The following KMT2C variants were observed in gnomAD, a reference collection of about 807,000 sequenced individuals.
The protein encoded by KMT2C is lysine methyltransferase 2C, also known as histone-lysine N-methyltransferase 2C.
Under a neutral mutation model 507.9 loss-of-function variants are expected in KMT2C, and 88 were observed. The observed-to-expected ratio is 0.17, with a 90% CI of 0.15 to 0.21. The LOEUF (loss-of-function observed/expected upper bound fraction) is 0.21, where lower values mean the gene tolerates loss of function less well. Ranked by LOEUF, KMT2C falls within the 10% of genes least tolerant of loss-of-function variation. KMT2C has a pLI of 1.00. For missense variants in KMT2C, 4,954 were observed against 5,957.8 expected (o/e 0.83, Z 5.55); for synonymous variants, 2,049 against 2,080.8 (o/e 0.98, Z 0.42).
chr7:152,389,328 T>C (rs2097466758), intron 1 of KMT2C, among the ~76,000 whole-genome samples: 1 of 134,490 alleles, frequency 7.4e-6, no homozygotes, highest in Admixed American at 8.1e-5. Flanking sequence ...TCGTGCAGCC[T>C]GGTGACAGAG....
At chr7:152,265,722 A>G (rs2095849077) in intron 7 of KMT2C, among the ~76,000 whole-genome samples, 2 of 152,138 alleles carry the variant, frequency 1.3e-5, no homozygotes, top group South Asian at 4.1e-4. Flanking sequence ...AAATCATATA[A>G]GGGCTTTTTT....
rs551531451 is a variant in KMT2C at position 152,156,174 on chromosome 7, G to A, written c.11812+31C>T. 261 of 1,609,216 alleles carry A rather than the reference G, an allele frequency of 1.6e-4. 2 individuals are homozygous for A. The South Asian group carries it at 2.6e-3, about 16-fold the overall frequency. On this transcript the variant is annotated intron_variant, in intron 45 of 58. Transcript: ENST00000262189. ...ACAACTGGCAGAGGCACATTTCTCCGAGGTGTGAAATTTGGAGGCTATAAT... is the reference window on the plus strand; with the variant it reads ...ACAACTGGCAGAGGCACATTTCTCCAAGGTGTGAAATTTGGAGGCTATAAT...
intron 8 of KMT2C, among the ~76,000 whole-genome samples, chr7:152,264,213 C>CT (rs542490394): frequency 2.2e-3 from 333 of 152,164 alleles, no homozygotes; most frequent in Non-Finnish European, 3.9e-3. Flanking sequence ...TCACGTAACT[C>CT]TAAGATACTG....
rs533247628 is a variant in KMT2C, at chr7:152,370,090, A to G, written c.162-11415T>C. On this transcript the variant is annotated intron_variant, in intron 1 of 58. Transcript: ENST00000262189. ...GCACCTGTAGTCTCAGCTACTCAGG[A>G]GGCTGAGGCAGGAGAATGGCGTGAA... Among the ~76,000 whole-genome samples the G allele has an allele frequency of 2.8e-4, 43 of 152,196 alleles. No homozygotes were observed. In the South Asian group the frequency reaches 8.3e-3, roughly 29 times the overall value.
At chr7:152,376,919 C>T in intron 1 of KMT2C, among the ~76,000 whole-genome samples, 1 of 152,224 alleles carries the variant, frequency 6.6e-6, no homozygotes, top group East Asian at 1.9e-4. Context: ...CAGGCTGGGG[C>T]CACACCTGTT....
chr7:152,220,790 T>G, intron 22 of KMT2C, 55 bp from the exon 23 acceptor site: 2 of 1,339,586 alleles, frequency 1.5e-6, no homozygotes, highest in Non-Finnish European at 2.1e-6. Context: ...CAAATTTGAC[T>G]GATTACTGTT....
At chr7:152,302,342 G>C (rs981613355) in intron 6 of KMT2C, among the ~76,000 whole-genome samples, 30 of 152,216 alleles carry the variant, frequency 2.0e-4, no homozygotes, top group Admixed American at 5.9e-4. Flanking sequence ...TCCTGCCTCA[G>C]CCTCTCGAGT....
intron 48 of KMT2C, 97 bp downstream of exon 48, chr7:152,153,913 G>C (rs2091852337): frequency 1.6e-6 from 2 of 1,234,800 alleles, no homozygotes; most frequent in African/African-American, 1.5e-5. Context: ...TTTATCCTCA[G>C]TGATCCTGTT....
chr7:152,339,822 A>C (rs968796531), intron 2 of KMT2C, among the ~76,000 whole-genome samples: 7 of 152,310 alleles, frequency 4.6e-5, no homozygotes, highest in Middle Eastern at 3.4e-3. Context: ...TATAATATAA[A>C]GCAAGCAGAT....
chr7:152,289,287 C>T (rs2096364166), intron 6 of KMT2C, among the ~76,000 whole-genome samples: 1 of 152,186 alleles, frequency 6.6e-6, no homozygotes, highest in African/African-American at 2.4e-5. Flanking sequence ...GTCACATTCT[C>T]AATTGGCACT....
chr7:152,138,321 TG>T lies in KMT2C; in HGVS notation c.14643+474del, dbSNP rs2090121637. The T allele has an allele frequency of 6.4e-6, 1 of 155,058 alleles. No homozygotes were observed. The highest frequency in any genetic ancestry group is 1.4e-5 in the Non-Finnish European group (1 of 69,824). The allele number at this position is 155,058 out of a possible 1,614,324, so 9.6% of individuals were successfully genotyped here. On this transcript the variant is annotated intron_variant, in intron 58 of 58. Coordinates refer to ENST00000262189, the MANE Select transcript of KMT2C (RefSeq NM_170606.3). This position sits in a 1 kb window ranked among gnomAD's most constrained non-coding sequence, Gnocchi z 4.2. ...TGAAGAATGTGGCGATGTGGGCACT[TG>T]GTTAAGCACACACTGATCGCCAGCG...
At chr7:152,147,829 T>C (rs573740308) in intron 52 of KMT2C, among the ~76,000 whole-genome samples, 2 of 152,150 alleles carry the variant, frequency 1.3e-5, no homozygotes, top group African/African-American at 2.4e-5. Context: ...TGTTCAAAGA[T>C]ATATTGATTA....
chr7:152,411,362 G>A (rs571553763), intron 1 of KMT2C, among the ~76,000 whole-genome samples: 2 of 65,526 alleles, frequency 3.1e-5, no homozygotes, highest in South Asian at 5.1e-4. Flanking sequence ...AATCAAGTCC[G>A]ACAACCTGAT....
At position 152,252,690 on chromosome 7, in the gene KMT2C, C is replaced by T. The variant is rs2129166870; in HGVS notation, c.1325G>A (p.Gly442Asp). The T allele has an allele frequency of 3.1e-6, 5 of 1,612,640 alleles. No individual in the cohort carries two copies. The highest frequency in any genetic ancestry group is 4.2e-6 in the Non-Finnish European group (5 of 1,179,102). ...CKNCRICIECGTRSSSQWHHN... is the reference protein window; with the variant it reads ...CKNCRICIECDTRSSSQWHHN... ...GTGCCACTGAGAACTAGACCGTGTGCCACACTCTATACATATTCTGCAATT... is the reference window on the plus strand; with the variant it reads ...GTGCCACTGAGAACTAGACCGTGTGTCACACTCTATACATATTCTGCAATT... The change falls in exon 10 of 59, where the codon GGC becomes GAC. Residue 442 changes from glycine to aspartate, a missense_variant. Physicochemically the swap from Gly to Asp is moderately conservative, Grantham distance 94. Around this residue, in one of 29 missense-constraint regions of KMT2C, gnomAD observed 376 missense variants for 352.4 expected, o/e 1.07. Transcript: ENST00000262189.
intron 6 of KMT2C, among the ~76,000 whole-genome samples, chr7:152,298,909 T>C (rs1451114100): frequency 6.6e-6 from 1 of 152,172 alleles, no homozygotes; most frequent in Non-Finnish European, 1.5e-5. Flanking sequence ...ATAGATGAAG[T>C]GTACAATATT....
intron 50 of KMT2C, 125 bp from the exon 51 acceptor site, chr7:152,151,132 G>A (rs1443544656): frequency 1.5e-6 from 1 of 655,812 alleles, no homozygotes; most frequent in Non-Finnish European, 2.6e-6. Context: ...TAGTAGAAAG[G>A]AAACTATGTT....
At chr7:152,311,723 A>T (rs1245834241) in intron 5 of KMT2C, 75 bp downstream of exon 5, 8 of 1,030,776 alleles carry the variant, frequency 7.8e-6, no homozygotes. Context: ...TTTATTATTG[A>T]GGACATTAAT....
chr7:152,297,053 G>GAAAGAA (rs1554622595), intron 6 of KMT2C, among the ~76,000 whole-genome samples: 31 of 81,474 alleles, frequency 3.8e-4, no homozygotes, highest in East Asian at 1.2e-3. Flanking sequence ...AAGAAAGAAA[G>GAAAGAA]ACAGAGAGAG....
intron 46 of KMT2C, 57 bp from the exon 47 acceptor site, chr7:152,154,502 T>G (rs2091898899): frequency 6.8e-7 from 1 of 1,475,872 alleles, no homozygotes; most frequent in South Asian, 1.1e-5. Flanking sequence ...GGGGGCTTCC[T>G]GTACCAACCC....
Sources: allele counts gnomAD v4.1 joint callset (sites outside exome capture counted in the v4.1 genomes callset), GRCh38; gene constraint gnomAD v4.1.1; regional missense constraint gnomAD v4.1.1; non-coding constraint Gnocchi (gnomAD v3.1); transcripts MANE v1.5; gene names NCBI Gene and HGNC (gene_info 2026-07-23, HGNC 2026-07-21).